The following INHBA variants were observed in gnomAD, a reference collection of about 807,000 sequenced individuals.
INHBA encodes inhibin subunit beta A.
In INHBA, 1 loss-of-function variant was observed where a neutral mutation model predicts 29.0. The ratio of observed to expected loss-of-function variants is 0.03; its 90% CI spans 0.01 to 0.16. The LOEUF (loss-of-function observed/expected upper bound fraction) is 0.16, where lower values mean the gene tolerates loss of function less well. Ranked by LOEUF, INHBA falls within the 10% of genes least tolerant of loss-of-function variation. The pLI, the probability that INHBA is intolerant of heterozygous loss-of-function variation, is 1.00. For missense variants in INHBA, 376 were observed against 545.4 expected (o/e 0.69, Z 3.09); for synonymous variants, 242 against 216.8 (o/e 1.12, Z -1.02).
Position 41,687,356 on chromosome 7 carries a change from G to A in INHBA, c.*2294C>T, listed in dbSNP as rs1188104511. 1.3e-5 allele frequency: 2 copies of A among 151,948 alleles called. No individual in the cohort carries two copies. Among genetic ancestry groups the A allele is most frequent in the African/African-American group, 4.8e-5 (2 of 41,348 alleles). 9.4% of individuals were successfully genotyped at this position (151,948 alleles called of 1,614,324 possible). A position where few individuals can be genotyped will look rare whatever the true frequency, so the allele number is the denominator to read the frequency against. On this transcript the variant is annotated 3_prime_UTR_variant, in exon 3 of 3. Transcript: ENST00000242208. ...TTACAAAATATTAATTAATGTAATT[G>A]TTCCCAATTATTAGAAACTTTTTTC...
chr7:41,695,790 TTG>T (rs1794633608), intron 2 of INHBA, among the ~76,000 whole-genome samples: 1 of 152,128 alleles, frequency 6.6e-6, no homozygotes, highest in Non-Finnish European at 1.5e-5. Context: ...CCTGAGAACT[TTG>T]GCACTTCTCA....
chr7:41,700,276 G>A lies in INHBA; in HGVS notation c.99C>T (p.Pro33=), dbSNP rs775222611. Residue 33 remains proline, a synonymous_variant, in exon 2 of 3, where the codon CCC becomes CCT. Coordinates refer to ENST00000242208, the MANE Select transcript of INHBA (RefSeq NM_002192.4). Reference sequence around the variant, plus strand: ...CGGCCAGCGCACAGGACGGACAGTCGGGGGCCGCGCTGTGCCCCTCGGATC... The same window carrying A: ...CGGCCAGCGCACAGGACGGACAGTCAGGGGCCGCGCTGTGCCCCTCGGATC... ...TPGSEGHSAA[P]DCPSCALAAL... The A allele has an allele frequency of 1.2e-6, 2 of 1,600,690 alleles. No individual in the cohort carries two copies. The highest frequency in any genetic ancestry group is 1.1e-5 in the South Asian group (1 of 89,616).
chr7:41,691,619 T>A (rs1470223479), intron 2 of INHBA: 1 of 152,302 alleles, frequency 6.6e-6, no homozygotes, highest in Admixed American at 6.5e-5. Context: ...CTGCCCCAAC[T>A]CCAACATACC....
chr7:41,690,148 C>A lies in INHBA; in HGVS notation c.783G>T (p.Lys261Asn). ...TCCCTTCCCCCTCCTCTTCTTTCTT[C>A]TTCTTCTTGCCCAGGAGAACCAAGC... ...GASLVLLGKKKKKEEEGEGKK... is the reference protein window; with the variant it reads ...GASLVLLGKKNKKEEEGEGKK... Residue 261 changes from lysine (K) to asparagine (N), a missense_variant, in exon 3 of 3, where the codon AAG becomes AAT. Around this residue, in one of 4 missense-constraint regions of INHBA, gnomAD observed 253 missense variants for 313.4 expected, o/e 0.81. Coordinates refer to ENST00000242208, the MANE Select transcript of INHBA (RefSeq NM_002192.4). 6.2e-7 allele frequency: 1 copy of A among 1,613,634 alleles called. No homozygotes were observed. Among genetic ancestry groups the A allele is most frequent in the Middle Eastern group, 1.6e-4 (1 of 6,062 alleles).
At chr7:41,696,809 T>C (rs1163467948) in intron 2 of INHBA, among the ~76,000 whole-genome samples, 1 of 152,194 alleles carries the variant, frequency 6.6e-6, no homozygotes, top group African/African-American at 2.4e-5. Context: ...GATCCCTGTC[T>C]GGGCAGTGCA....
intron 2 of INHBA, chr7:41,692,246 C>A (rs944778602): frequency 6.6e-6 from 1 of 152,116 alleles, no homozygotes; most frequent in African/African-American, 2.4e-5. Flanking sequence ...GTACATGTAT[C>A]CCATGCACAA....
At position 41,686,241 on chromosome 7, in the gene INHBA, G is replaced by C. The variant is rs923001775; in HGVS notation, c.*3409C>G. On this transcript the variant is annotated 3_prime_UTR_variant, in exon 3 of 3. Coordinates refer to ENST00000242208, the MANE Select transcript of INHBA (RefSeq NM_002192.4). ...CCTGACTTTTTTGGAAAAAATAGTC[G>C]AAAATGTCAATTTGGTCCATAAAAT... The C allele has an allele frequency of 6.6e-6, 1 of 152,034 alleles. No homozygotes were observed. The highest frequency in any genetic ancestry group is 1.9e-4 in the East Asian group (1 of 5,186). 9.4% of individuals were successfully genotyped at this position (152,034 alleles called of 1,614,324 possible).
intron 1 of INHBA, among the ~76,000 whole-genome samples, chr7:41,702,747 C>A (rs2128672136): frequency 6.6e-6 from 1 of 152,316 alleles, no homozygotes; most frequent in East Asian, 1.9e-4. Flanking sequence ...CCTGAATTTA[C>A]TGTTTGCGAA....
chr7:41,702,983 A>G (rs960634038), intron 1 of INHBA, 22 bp downstream of exon 1: 1 of 152,258 alleles, frequency 6.6e-6, no homozygotes, highest in African/African-American at 2.4e-5. Flanking sequence ...AGAGCTCAGA[A>G]GTAAGAGTTA....
chr7:41,704,179 A>AAT (rs1229955738), upstream of INHBA, among the ~76,000 whole-genome samples: 2 of 152,156 alleles, frequency 1.3e-5, no homozygotes, highest in African/African-American at 4.8e-5. Flanking sequence ...CCACAAGCAA[A>AAT]ATATAGAGGC....
intron 2 of INHBA, among the ~76,000 whole-genome samples, chr7:41,699,123 C>T (rs1482489720): frequency 6.6e-6 from 1 of 152,176 alleles, no homozygotes; most frequent in East Asian, 1.9e-4. Flanking sequence ...TATTCAGCAA[C>T]AGGTTAGTGT....
At chr7:41,704,707 C>T (rs1331689194), upstream of INHBA, among the ~76,000 whole-genome samples, 5 of 151,334 alleles carry the variant, frequency 3.3e-5, no homozygotes, top group Non-Finnish European at 7.4e-5. Context: ...CAGATCAGAT[C>T]CCAGTTCCTC....
Position 41,703,090 on chromosome 7 carries a change from T to A in INHBA, c.-229A>T, listed in dbSNP as rs1051109036. Reference sequence around the variant, plus strand: ...GCTCCTCTTCATGGTATTGGCACTGTGAAGTTTTATACTGTACTACTTATT... The same window carrying A: ...GCTCCTCTTCATGGTATTGGCACTGAGAAGTTTTATACTGTACTACTTATT... On this transcript the variant is annotated 5_prime_UTR_variant, in exon 1 of 3. Transcript: ENST00000242208. The A allele has an allele frequency of 6.6e-6, 1 of 152,184 alleles. No individual in the cohort carries two copies. The highest frequency in any genetic ancestry group is 1.5e-5 in the Non-Finnish European group (1 of 68,030). 9.4% of individuals were successfully genotyped at this position (152,184 alleles called of 1,614,324 possible).
In INHBA at chr7:41,698,843, G is replaced by T. The variant is rs138685633; in HGVS notation, c.388+1144C>A. Among the ~76,000 whole-genome samples, 810 of 152,324 alleles carry T rather than the reference G, an allele frequency of 5.3e-3. 7 individuals carry two copies. The highest frequency in any genetic ancestry group is 0.019 in the African/African-American group (782 of 41,562). ...TGTTGCCTTAATTGTTTATACTGCTGCGGCAAACTTTTAAACAAAAATGCT... is the reference window on the plus strand; with the variant it reads ...TGTTGCCTTAATTGTTTATACTGCTTCGGCAAACTTTTAAACAAAAATGCT... On this transcript the variant is annotated intron_variant, in intron 2 of 2. Coordinates refer to ENST00000242208, the MANE Select transcript of INHBA (RefSeq NM_002192.4).
At chr7:41,692,764 AT>A (rs1794551213) in intron 2 of INHBA, among the ~76,000 whole-genome samples, 1 of 152,186 alleles carries the variant, frequency 6.6e-6, no homozygotes, top group Non-Finnish European at 1.5e-5. Flanking sequence ...ATGATGACTT[AT>A]TTTTTCAAAA....
At chr7:41,697,237 A>G (rs1183752858) in intron 2 of INHBA, among the ~76,000 whole-genome samples, 1 of 152,214 alleles carries the variant, frequency 6.6e-6, no homozygotes, top group Non-Finnish European at 1.5e-5. Flanking sequence ...AGCCATGCAA[A>G]GAACACACTA....
chr7:41,701,258 G>T (rs1402311368), intron 1 of INHBA, among the ~76,000 whole-genome samples: 1 of 152,004 alleles, frequency 6.6e-6, no homozygotes, highest in South Asian at 2.1e-4. Flanking sequence ...GTGGTAGAAC[G>T]CCCACCTGGC....
At chr7:41,699,357 C>G (rs925523582) in intron 2 of INHBA, among the ~76,000 whole-genome samples, 1 of 152,228 alleles carries the variant, frequency 6.6e-6, no homozygotes, top group South Asian at 2.1e-4. Context: ...TGACAACTGT[C>G]CCCCAAAGTA....
At chr7:41,704,282 G>T (rs1794861117), upstream of INHBA, among the ~76,000 whole-genome samples, 1 of 152,094 alleles carries the variant, frequency 6.6e-6, no homozygotes, top group Non-Finnish European at 1.5e-5. Flanking sequence ...TACAGAGAAA[G>T]TGTGGGTGCT....
Sources: allele counts gnomAD v4.1 joint callset (sites outside exome capture counted in the v4.1 genomes callset), GRCh38; gene constraint gnomAD v4.1.1; regional missense constraint gnomAD v4.1.1; transcripts MANE v1.5; gene names NCBI Gene and HGNC (gene_info 2026-07-23, HGNC 2026-07-21).